The following TMEM252 variants were observed in gnomAD, a reference collection of about 807,000 sequenced individuals.
The protein encoded by TMEM252 is transmembrane protein C9orf71.
In TMEM252, 4 loss-of-function variants were observed where a neutral mutation model predicts 6.4. The ratio of observed to expected loss-of-function variants is 0.62; its 90% confidence interval spans 0.31 to 1.43. The LOEUF is 1.43. Among genes scored for constraint, TMEM252 ranks in the 40% most tolerant of loss-of-function variants. The pLI, the probability that TMEM252 is intolerant of heterozygous loss-of-function variation, is 0.07. For missense variants in TMEM252, 207 were observed against 209.4 expected, an observed-to-expected ratio of 0.99 and a Z score of 0.07; for synonymous variants, 85 against 82.5, an observed-to-expected ratio of 1.03 and a Z score of -0.17.
chr9:68,537,015 T>G lies in TMEM252; in HGVS notation c.*244A>C. The G allele has an allele frequency of 9.1e-6, 4 of 440,056 alleles. No individual in the cohort carries two copies. The highest frequency in any genetic ancestry group is 6.5e-5 in the South Asian group (2 of 30,860). 27.3% of individuals were successfully genotyped at this position (440,056 alleles called of 1,614,324 possible). ...TTTGGGGACCCAAGGCCAGCCGGGG[T>G]TAAGATTAGTGTGAATGCTCTGAAA... On this transcript the variant is annotated 3_prime_UTR_variant, in exon 2 of 2. Coordinates refer to ENST00000377311, the MANE Select transcript of TMEM252 (RefSeq NM_153237.2).
chr9:68,538,501 A>C (rs1430908689), intron 1 of TMEM252, among the ~76,000 whole-genome samples: 5 of 152,208 alleles, frequency 3.3e-5, no homozygotes, highest in Non-Finnish European at 7.4e-5. Flanking sequence ...GGCATTTTAC[A>C]CAGAAAGGTG....
intron 1 of TMEM252, among the ~76,000 whole-genome samples, chr9:68,539,416 TA>T (rs558547854): frequency 3.7e-3 from 570 of 152,314 alleles, no homozygotes; most frequent in Non-Finnish European, 6.1e-3. Flanking sequence ...ACCATCACCT[TA>T]AAACTCTCTA....
intron 1 of TMEM252, among the ~76,000 whole-genome samples, chr9:68,538,877 G>A (rs1825171659): frequency 6.6e-6 from 1 of 152,114 alleles, no homozygotes; most frequent in South Asian, 2.1e-4. Flanking sequence ...TATCCTAAAG[G>A]CAATCAGTTA....
At chr9:68,539,392 C>T (rs976889938) in intron 1 of TMEM252, among the ~76,000 whole-genome samples, 1 of 152,198 alleles carries the variant, frequency 6.6e-6, no homozygotes, top group African/African-American at 2.4e-5. Context: ...TAAATACACT[C>T]ATATTGCTCT....
In TMEM252 at chr9:68,540,829, A is replaced by G. The variant is rs371276122; in HGVS notation, c.-15T>C. On this transcript the variant is annotated 5_prime_UTR_variant, in exon 1 of 2. Coordinates refer to ENST00000377311, the MANE Select transcript of TMEM252 (RefSeq NM_153237.2). The stretch of plus-strand genomic sequence containing the variant: ...CTGTTCTGCATCCTTGCACCTTAGG[A>G]ACCCAGCACCCTGACCCTGCTGCTC... 2.4e-5 allele frequency: 38 copies of G among 1,609,134 alleles called. No individual in the cohort carries two copies. In the African/African-American group the frequency reaches 4.7e-4, roughly 20 times the overall value.
At chr9:68,539,244 G>A (rs897126985) in intron 1 of TMEM252, among the ~76,000 whole-genome samples, 1 of 152,174 alleles carries the variant, frequency 6.6e-6, no homozygotes, top group African/African-American at 2.4e-5. Context: ...ATCCCTAAAT[G>A]GTCCTGTGGC....
rs886854011 is a variant in TMEM252, at chr9:68,537,336, A to G, written c.436T>C (p.Ser146Pro). The G allele has an allele frequency of 7.5e-6, 12 of 1,604,972 alleles. No homozygotes were observed. The highest frequency in any genetic ancestry group is 1.0e-5 in the Non-Finnish European group (12 of 1,177,418). Residue 146 changes from serine to proline, a missense_variant, in exon 2 of 2, where the codon TCT becomes CCT. By Grantham distance (74) the Ser-to-Pro change is moderately conservative. Transcript: ENST00000377311. Reference sequence around the variant, plus strand: ...AGGCCGGCTATGGACTCTCTATAAGATGGTGGGGCCTCTGGGTGGGAGTCA... The same window carrying G: ...AGGCCGGCTATGGACTCTCTATAAGGTGGTGGGGCCTCTGGGTGGGAGTCA... The part of the protein sequence containing the change: ...GNDSHPEAPP[S>P]YRESIAGLVV...
chr9:68,538,649 T>C (rs1825169409), intron 1 of TMEM252, among the ~76,000 whole-genome samples: 1 of 152,186 alleles, frequency 6.6e-6, no homozygotes, highest in Admixed American at 6.5e-5. Flanking sequence ...CGGAGACCCA[T>C]TTGCTTTGAT....
chr9:68,540,047 A>C (rs1201372787), intron 1 of TMEM252, among the ~76,000 whole-genome samples: 3 of 152,214 alleles, frequency 2.0e-5, no homozygotes, highest in African/African-American at 7.2e-5. Context: ...TGTTTTATGC[A>C]AGGTGAGATC....
At chr9:68,539,963 A>G (rs1250324421) in intron 1 of TMEM252, among the ~76,000 whole-genome samples, 2 of 152,208 alleles carry the variant, frequency 1.3e-5, no homozygotes, top group African/African-American at 2.4e-5. Context: ...TTTGATGATA[A>G]CTATCCTAAT....
rs575936512 is a variant in TMEM252, at chr9:68,540,410, C to A, written c.278+127G>T. On this transcript the variant is annotated intron_variant, in intron 1 of 1. Transcript: ENST00000377311. ...CCAGAGTAATTCCCTGACAATAAAG[C>A]TTTGGTTCTAGACAGACAGCCCATG... 96 of 1,343,394 alleles carry A rather than the reference C, an allele frequency of 7.1e-5. No homozygotes were observed. The African/African-American group carries it at 1.3e-3, about 18-fold the overall frequency. The allele number at this position is 1,343,394 out of a possible 1,614,324, so 83.2% of individuals were successfully genotyped here.
At position 68,540,749 on chromosome 9, in the gene TMEM252, G is replaced by C. The variant is rs759612701; in HGVS notation, c.66C>G (p.Cys22Trp). ...CCCAGGAAATGAAGAAGGCCCCCAGGCAGACCATCAGGAAACCCATCAGGA... is the reference window on the plus strand; with the variant it reads ...CCCAGGAAATGAAGAAGGCCCCCAGCCAGACCATCAGGAAACCCATCAGGA... Reference protein sequence around the residue: ...LALLMGFLMVCLGAFFISWGS... With the variant: ...LALLMGFLMVWLGAFFISWGS... Residue 22 changes from cysteine (C) to tryptophan (W), a missense_variant, in exon 1 of 2, where the codon TGC (cysteine) becomes TGG (tryptophan). Physicochemically the swap from Cys to Trp is radical, Grantham distance 215. Transcript: ENST00000377311. 1 of 1,614,134 alleles carries C rather than the reference G, an allele frequency of 6.2e-7. No individual in the cohort carries two copies. The highest frequency in any genetic ancestry group is 8.5e-7 in the Non-Finnish European group (1 of 1,180,018).
chr9:68,537,478 A>T lies in TMEM252; in HGVS notation c.294T>A (p.Pro98=). The T allele has an allele frequency of 3.1e-6, 5 of 1,599,300 alleles. No homozygotes were observed. Among genetic ancestry groups the T allele is most frequent in the Non-Finnish European group, 4.3e-6 (5 of 1,175,898 alleles). The part of the protein sequence containing the change: ...VATVDRPDFY[P]PAYEESLEVE... Reference sequence around the variant, plus strand: ...CCTCAAGGCTCTCTTCATAAGCTGGAGGGTAAAAGTCTGGCCTAGGGGACA... The same window carrying T: ...CCTCAAGGCTCTCTTCATAAGCTGGTGGGTAAAAGTCTGGCCTAGGGGACA... Residue 98 remains proline, a synonymous_variant, in exon 2 of 2, where the codon CCT becomes CCA. Transcript: ENST00000377311.
Position 68,540,638 on chromosome 9 carries a change from GAA to G in TMEM252, c.175_176del (p.Phe59LeufsTer9). The stretch of plus-strand genomic sequence containing the variant: ...CAGTCACCTGGCGATAGTTGCTCCA[GAA>G]AATTCCACTCAGAAGGATCACAAAC... Reference protein sequence around the residue: ...LGFVILLSGIFWSNYRQVTES... With the variant: ...LGFVILLSGIXWSNYRQVTES... On this transcript the variant is annotated frameshift_variant, in exon 1 of 2. Transcript: ENST00000377311. LOFTEE classifies it high-confidence loss of function. 6.2e-7 allele frequency: 1 copy of G among 1,614,152 alleles called. No homozygotes were observed.
At chr9:68,539,403 A>G (rs922646840) in intron 1 of TMEM252, among the ~76,000 whole-genome samples, 1 of 152,222 alleles carries the variant, frequency 6.6e-6, no homozygotes, top group Non-Finnish European at 1.5e-5. Flanking sequence ...ATATTGCTCT[A>G]CAACCATCAC....
chr9:68,539,564 C>A (rs1444725709), intron 1 of TMEM252, among the ~76,000 whole-genome samples: 2 of 152,250 alleles, frequency 1.3e-5, no homozygotes, highest in Non-Finnish European at 2.9e-5. Context: ...TTGTAACTGA[C>A]TTGTTTCACT....
chr9:68,540,429 G>A, intron 1 of TMEM252, 108 bp downstream of exon 1: 1 of 1,465,418 alleles, frequency 6.8e-7, no homozygotes, highest in Non-Finnish European at 9.3e-7. Flanking sequence ...TAGACAGACA[G>A]CCCATGGGAC....
intron 1 of TMEM252, among the ~76,000 whole-genome samples, chr9:68,538,569 C>T (rs1301190330): frequency 6.6e-6 from 1 of 152,200 alleles, no homozygotes; most frequent in Non-Finnish European, 1.5e-5. Flanking sequence ...GCCCCAAATC[C>T]CAGCTACCTC....
Position 68,540,707 on chromosome 9 carries a change from A to G in TMEM252, c.108T>C (p.Cys36=), listed in dbSNP as rs754661998. 2.5e-6 allele frequency: 4 copies of G among 1,614,124 alleles called. No homozygotes were observed. The highest frequency in any genetic ancestry group is 1.1e-5 in the South Asian group (1 of 91,080). ...FFISWGSIFD[C]QGSLIAAYLL... Reference sequence around the variant, plus strand: ...AATAGGCCGCAATCAGGCTCCCCTGACAGTCGAATATGGAGCCCCAGGAAA... The same window carrying G: ...AATAGGCCGCAATCAGGCTCCCCTGGCAGTCGAATATGGAGCCCCAGGAAA... The change falls in exon 1 of 2, where the codon TGT becomes TGC. Residue 36 remains cysteine (C), a synonymous_variant. Transcript: ENST00000377311.
Sources: allele counts gnomAD v4.1 joint callset (sites outside exome capture counted in the v4.1 genomes callset), GRCh38; gene constraint gnomAD v4.1.1; transcripts MANE v1.5; gene names NCBI Gene and HGNC (gene_info 2026-07-23, HGNC 2026-07-21).